The following NEK11 variants were observed in gnomAD, a reference collection of about 807,000 sequenced individuals.
NEK11 encodes the protein serine/threonine-protein kinase Nek11.
Under a neutral mutation model 80.7 loss-of-function variants are expected in NEK11, and 72 were observed. The ratio of observed to expected loss-of-function variants is 0.89; its 90% CI spans 0.74 to 1.08. The LOEUF (loss-of-function observed/expected upper bound fraction) is 1.08. Ranked by LOEUF, NEK11 falls within the 50% of genes least tolerant of loss-of-function variation. NEK11 has a pLI of 0.00. For missense variants in NEK11, 764 were observed against 763.6 expected, an observed-to-expected ratio of 1.00 and a Z score of -0.01; for synonymous variants, 251 against 260.7, an observed-to-expected ratio of 0.96 and a Z score of 0.36.
intron 16 of NEK11, among the ~76,000 whole-genome samples, chr3:131,272,463 C>CTTCTTCTTTTTTTTTTT (rs2096210843): frequency 4.6e-5 from 2 of 43,884 alleles, no homozygotes; most frequent in African/African-American, 1.8e-4. Context: ...GTTTTAGCTT[C>CTTCTTCTTTTTTTTTTT]TTTTTTTTTT....
intron 17 of NEK11, among the ~76,000 whole-genome samples, chr3:131,278,345 T>C (rs1018726178): frequency 7.9e-5 from 12 of 152,162 alleles, no homozygotes; most frequent in Non-Finnish European, 1.5e-5. Flanking sequence ...TGTTGACTTC[T>C]TTTCTGACTG....
chr3:131,163,170 T>C (rs893312213), intron 11 of NEK11, among the ~76,000 whole-genome samples: 1 of 152,090 alleles, frequency 6.6e-6, no homozygotes, highest in Non-Finnish European at 1.5e-5. Context: ...TATGGAAAAA[T>C]AGCATGAAGA....
At chr3:131,124,885 T>C (rs1189304866) in intron 5 of NEK11, among the ~76,000 whole-genome samples, 1 of 152,210 alleles carries the variant, frequency 6.6e-6, no homozygotes, top group Non-Finnish European at 1.5e-5. Flanking sequence ...CAATAGGCTA[T>C]ACAACATTGG....
intron 14 of NEK11, among the ~76,000 whole-genome samples, chr3:131,172,604 T>C (rs192650262): frequency 1.5e-4 from 23 of 152,346 alleles, no homozygotes; most frequent in African/African-American, 5.5e-4. Flanking sequence ...GATATATTAT[T>C]TGTTAATTTC....
In NEK11 at chr3:131,029,730, G is replaced by A. The variant is rs2064495426; in HGVS notation, c.22G>A (p.Ala8Thr). MLKFQEA[A>T]KCVSGSTAIS... ...AGCAATGCTGAAATTCCAAGAGGCAGCTAAGTGTGTGAGTGGATCAACAGC... is the reference window on the plus strand; with the variant it reads ...AGCAATGCTGAAATTCCAAGAGGCAACTAAGTGTGTGAGTGGATCAACAGC... Residue 8 changes from alanine to threonine, a missense_variant, in exon 3 of 18, where the codon GCT (alanine) becomes ACT (threonine). Coordinates refer to ENST00000383366, the MANE Select transcript of NEK11 (RefSeq NM_024800.5). 1 of 1,614,144 alleles carries A rather than the reference G, an allele frequency of 6.2e-7. No homozygotes were observed. The highest frequency in any genetic ancestry group is 1.3e-5 in the African/African-American group (1 of 75,052).
chr3:131,056,100 T>G (rs1439282922), intron 3 of NEK11, among the ~76,000 whole-genome samples: 1 of 152,046 alleles, frequency 6.6e-6, no homozygotes, highest in East Asian at 1.9e-4. Context: ...GGTACTTGGG[T>G]TTTCTTCCGA....
At chr3:131,140,412 G>T (rs937953968) in intron 7 of NEK11, among the ~76,000 whole-genome samples, 4 of 152,212 alleles carry the variant, frequency 2.6e-5, no homozygotes, top group Non-Finnish European at 4.4e-5. Context: ...CATTTTGGAA[G>T]TGGATCCTTA....
At chr3:131,283,271 G>A (rs185292657) in intron 17 of NEK11, among the ~76,000 whole-genome samples, 7 of 152,258 alleles carry the variant, frequency 4.6e-5, no homozygotes, top group Admixed American at 2.0e-4. Flanking sequence ...GGCCTTTTAT[G>A]TACCTGGCAT....
In NEK11 at chr3:131,080,606, T is replaced by C; in HGVS notation, c.336+18T>C. ...ACTGTGAGGTGAGACTCTCCTTTTC[T>C]CTTGGAAGTCTTTATAAAAACTTGC... On this transcript the variant is annotated intron_variant, in intron 4 of 17. Transcript: ENST00000383366. The C allele has an allele frequency of 6.3e-7, 1 of 1,584,090 alleles. No individual in the cohort carries two copies. The highest frequency in any genetic ancestry group is 8.6e-7 in the Non-Finnish European group (1 of 1,169,532).
At chr3:131,280,099 G>T (rs2096371408) in intron 17 of NEK11, among the ~76,000 whole-genome samples, 1 of 152,296 alleles carries the variant, frequency 6.6e-6, no homozygotes, top group East Asian at 1.9e-4. Context: ...AATGGAAAAG[G>T]CCTGAGAATC....
chr3:131,048,426 C>T (rs1475185833), intron 3 of NEK11, among the ~76,000 whole-genome samples: 1 of 152,222 alleles, frequency 6.6e-6, no homozygotes, highest in Non-Finnish European at 1.5e-5. Flanking sequence ...GAGACAAAGT[C>T]AGAAACGGCT....
At chr3:131,215,261 C>T (rs372206065) in intron 14 of NEK11, among the ~76,000 whole-genome samples, 23 of 106,486 alleles carry the variant, frequency 2.2e-4, no homozygotes, top group South Asian at 6.1e-4. Context: ...CATCACACAC[C>T]GGGGCCTGTT....
intron 17 of NEK11, among the ~76,000 whole-genome samples, chr3:131,336,857 T>C (rs1035514737): frequency 1.3e-5 from 2 of 152,136 alleles, no homozygotes; most frequent in African/African-American, 4.8e-5. Flanking sequence ...AAAAGACACA[T>C]GTAAAAATGC....
chr3:131,284,253 G>T (rs1157951255), intron 17 of NEK11, among the ~76,000 whole-genome samples: 1 of 152,176 alleles, frequency 6.6e-6, no homozygotes, highest in East Asian at 1.9e-4. Context: ...TGAAGCGGAG[G>T]TTCACTAGCA....
intron 17 of NEK11, among the ~76,000 whole-genome samples, chr3:131,293,510 T>C (rs2096565092): frequency 6.6e-6 from 1 of 151,754 alleles, no homozygotes; most frequent in East Asian, 1.9e-4. Flanking sequence ...GTTAAAACTT[T>C]TTATGTGCAT....
intron 15 of NEK11, among the ~76,000 whole-genome samples, chr3:131,240,871 A>G (rs1040883727): frequency 1.3e-5 from 2 of 152,162 alleles, no homozygotes; most frequent in African/African-American, 2.4e-5. Context: ...GAAGATCTAC[A>G]TGGTGTGATT....
intron 7 of NEK11, among the ~76,000 whole-genome samples, chr3:131,137,878 G>A (rs1162780674): frequency 6.6e-6 from 1 of 152,142 alleles, no homozygotes; most frequent in Non-Finnish European, 1.5e-5. Context: ...TTTAATTCTT[G>A]TGGGTACACA....
At chr3:131,127,640 CT>C (rs538531009) in intron 5 of NEK11, among the ~76,000 whole-genome samples, 3 of 150,990 alleles carry the variant, frequency 2.0e-5, no homozygotes, top group South Asian at 4.2e-4. Context: ...TTCTATATCT[CT>C]TTTTTTCTTT....
intron 14 of NEK11, chr3:131,184,636 T>G: frequency 2.5e-6 from 1 of 401,144 alleles, no homozygotes; most frequent in Admixed American, 4.9e-5. Flanking sequence ...AATAACAAGT[T>G]GCCAGGAGAG....
Sources: gnomAD v4.1 joint callset for allele counts (sites outside exome capture counted in the v4.1 genomes callset) on GRCh38, gnomAD v4.1.1 for gene constraint, MANE v1.5 for transcripts, NCBI Gene and HGNC (gene_info 2026-07-23, HGNC 2026-07-21) for gene names.